ADAMTSL3: variants seen among roughly 807,000 people sequenced by gnomAD.
ADAMTSL3 encodes the protein ADAMTS-like protein 3.
A neutral mutation model predicts 201.7 loss-of-function variants in ADAMTSL3; 128 were observed. The observed-to-expected ratio is 0.63, with a 90% confidence interval of 0.55 to 0.73. The LOEUF (loss-of-function observed/expected upper bound fraction) is 0.73, where lower values mean the gene tolerates loss of function less well. ADAMTSL3 is among the 30% of genes least tolerant of loss of function. ADAMTSL3 has a pLI of 0.00. For missense variants in ADAMTSL3, 1,990 were observed against 2,119.6 expected, an observed-to-expected ratio of 0.94 and a Z score of 1.20; for synonymous variants, 738 against 748.4, an observed-to-expected ratio of 0.99 and a Z score of 0.23.
chr15:83,701,389 C>T (rs759238119), intron 2 of ADAMTSL3, among the ~76,000 whole-genome samples: 9 of 152,186 alleles, frequency 5.9e-5, no homozygotes, highest in Non-Finnish European at 1.0e-4. Flanking sequence ...ATATCCCAGC[C>T]ATATTCCCCT....
intron 13 of ADAMTSL3, among the ~76,000 whole-genome samples, chr15:83,896,192 C>A (rs2065610220): frequency 6.6e-6 from 1 of 152,050 alleles, no homozygotes; most frequent in South Asian, 2.1e-4. Context: ...AAGCTACTGA[C>A]CCGGAAGTGG....
chr15:83,788,001 T>G (rs1024679056), intron 4 of ADAMTSL3, among the ~76,000 whole-genome samples: 2 of 152,188 alleles, frequency 1.3e-5, no homozygotes, highest in African/African-American at 2.4e-5. Context: ...TATAAAGACA[T>G]GTTATTAAAT....
At chr15:83,785,222 A>G (rs577027462) in intron 4 of ADAMTSL3, among the ~76,000 whole-genome samples, 1 of 152,320 alleles carries the variant, frequency 6.6e-6, no homozygotes, top group East Asian at 1.9e-4. Context: ...TTCCCAGGTG[A>G]TGTCAGTGCT....
chr15:83,990,927 G>A (rs1424716639), intron 22 of ADAMTSL3, among the ~76,000 whole-genome samples, 159 bp from the exon 23 acceptor site: 1 of 152,132 alleles, frequency 6.6e-6, no homozygotes, highest in Non-Finnish European at 1.5e-5. Context: ...CTCCAGGTAT[G>A]TATGTGCACA....
chr15:83,864,113 A>G (rs1312456388), intron 8 of ADAMTSL3, among the ~76,000 whole-genome samples: 1 of 152,230 alleles, frequency 6.6e-6, no homozygotes, highest in African/African-American at 2.4e-5. Flanking sequence ...AAATTGAGGC[A>G]ATAATTAATA....
chr15:83,825,117 T>A (rs1452096683), intron 6 of ADAMTSL3, among the ~76,000 whole-genome samples: 1 of 152,192 alleles, frequency 6.6e-6, no homozygotes, highest in Non-Finnish European at 1.5e-5. Flanking sequence ...AAAAGTAGAC[T>A]TTTGACAAAA....
chr15:83,819,614 T>C (rs2063825149), intron 5 of ADAMTSL3, among the ~76,000 whole-genome samples, 197 bp from the exon 6 acceptor site: 1 of 150,244 alleles, frequency 6.7e-6, no homozygotes, highest in Non-Finnish European at 1.5e-5. Context: ...TAAATAATTA[T>C]TGCAGTGATC....
At chr15:83,758,944 AGTT>A (rs1320118259) in intron 3 of ADAMTSL3, among the ~76,000 whole-genome samples, 2 of 152,112 alleles carry the variant, frequency 1.3e-5, no homozygotes, top group Non-Finnish European at 2.9e-5. Flanking sequence ...GGGCTTAGGC[AGTT>A]GTAATATTCT....
At chr15:83,884,897 T>G (rs537859550) in intron 9 of ADAMTSL3, among the ~76,000 whole-genome samples, 1 of 152,352 alleles carries the variant, frequency 6.6e-6, no homozygotes, top group Non-Finnish European at 1.5e-5. Flanking sequence ...CAGGGAGATT[T>G]GCAGAAGATC....
Position 83,714,791 on chromosome 15 carries a change from TTCTC to T in ADAMTSL3, c.189+10289_189+10292del, listed in dbSNP as rs149469907. 8.7e-4 allele frequency among the ~76,000 whole-genome samples: 69 copies of T among 78,888 alleles called. 5 individuals carry two copies. The highest frequency in any genetic ancestry group is 3.3e-3 in the African/African-American group (64 of 19,672). The allele number at this position is 78,888 out of a possible 152,430, so 51.8% of individuals were successfully genotyped here. ...TCTTTCTTTCTTTCTTTCTTTTTCT[TTCTC>T]TCTCTTTCTTTCTTCTTTCTTTCTT... is the stretch of plus-strand genomic sequence containing the variant. On this transcript the variant is annotated intron_variant, in intron 3 of 29. Coordinates refer to ENST00000286744, the MANE Select transcript of ADAMTSL3 (RefSeq NM_207517.3).
At chr15:84,021,666 CATA>C (rs2141913126) in intron 26 of ADAMTSL3, 73 bp downstream of exon 26, 1 of 1,502,220 alleles carries the variant, frequency 6.7e-7, no homozygotes, top group Non-Finnish European at 9.0e-7. Context: ...GTGATTTGGA[CATA>C]ATAATTCAAT....
At chr15:83,711,275 T>C (rs1050894333) in intron 3 of ADAMTSL3, among the ~76,000 whole-genome samples, 3 of 152,202 alleles carry the variant, frequency 2.0e-5, no homozygotes, top group Non-Finnish European at 4.4e-5. Flanking sequence ...CCCTCAGAAA[T>C]ATCACTTGAC....
chr15:84,014,883 C>T (rs1303678843), intron 24 of ADAMTSL3, among the ~76,000 whole-genome samples, 159 bp downstream of exon 24: 1 of 152,154 alleles, frequency 6.6e-6, no homozygotes, highest in Middle Eastern at 3.2e-3. Flanking sequence ...TAAATTCTAA[C>T]ACCCTATTTT....
intron 3 of ADAMTSL3, among the ~76,000 whole-genome samples, chr15:83,730,098 C>G (rs1567104966): frequency 6.6e-6 from 1 of 152,018 alleles, no homozygotes; most frequent in Admixed American, 6.6e-5. Flanking sequence ...AAAGACCACT[C>G]AGCGTGATGA....
At chr15:83,867,121 C>G (rs2064995628) in intron 8 of ADAMTSL3, among the ~76,000 whole-genome samples, 3 of 152,108 alleles carry the variant, frequency 2.0e-5, no homozygotes, top group Admixed American at 2.0e-4. Flanking sequence ...AGAGATATTT[C>G]TGAAATGAAG....
At chr15:83,847,158 G>T (rs2064515414) in intron 7 of ADAMTSL3, among the ~76,000 whole-genome samples, 3 of 152,196 alleles carry the variant, frequency 2.0e-5, no homozygotes, top group African/African-American at 7.2e-5. Flanking sequence ...AGGCATGCTG[G>T]TCAGTTTTCA....
intron 25 of ADAMTSL3, among the ~76,000 whole-genome samples, chr15:84,018,847 A>G (rs1276798331): frequency 6.6e-6 from 1 of 152,170 alleles, no homozygotes; most frequent in Non-Finnish European, 1.5e-5. Flanking sequence ...TTTCAAATGC[A>G]TTTGTGTCAA....
chr15:83,773,178 G>A (rs570872156), intron 3 of ADAMTSL3, among the ~76,000 whole-genome samples: 52 of 152,202 alleles, frequency 3.4e-4, no homozygotes, highest in African/African-American at 1.2e-3. Flanking sequence ...TTGGGAGGCT[G>A]AGGCGGGCAG....
chr15:83,963,088 C>G (rs2067004365), intron 19 of ADAMTSL3, among the ~76,000 whole-genome samples: 1 of 152,184 alleles, frequency 6.6e-6, no homozygotes, highest in Non-Finnish European at 1.5e-5. Context: ...CGAAACTGGA[C>G]AGCCATTTGG....
Sources: allele counts gnomAD v4.1 joint callset (sites outside exome capture counted in the v4.1 genomes callset), GRCh38; gene constraint gnomAD v4.1.1; transcripts MANE v1.5; gene names NCBI Gene and HGNC (gene_info 2026-07-23, HGNC 2026-07-21).